The following FBN2 variants were observed in gnomAD, a reference collection of about 807,000 sequenced individuals.
The protein encoded by FBN2 is fibrillin 2.
Under a neutral mutation model 355.6 loss-of-function variants are expected in FBN2, and 105 were observed. The observed-to-expected ratio is 0.30, with a 90% confidence interval of 0.25 to 0.35. The LOEUF is 0.35. Ranked by LOEUF, FBN2 falls within the 10% of genes least tolerant of loss-of-function variation. The pLI is 1.00. For synonymous variants in FBN2, 1,350 were observed against 1,301.2 expected, an observed-to-expected ratio of 1.04 and a Z score of -0.81; for missense variants, 3,280 against 3,758.7, an observed-to-expected ratio of 0.87 and a Z score of 3.33.
intron 4 of FBN2, among the ~76,000 whole-genome samples, chr5:128,526,595 C>T (rs1756568637): frequency 1.3e-5 from 2 of 152,164 alleles, no homozygotes; most frequent in African/African-American, 2.4e-5. Context: ...ACGGATGAAC[C>T]TTGAGGGCAC....
chr5:128,267,284 G>A (rs571229719), intron 62 of FBN2, among the ~76,000 whole-genome samples: 10 of 152,264 alleles, frequency 6.6e-5, no homozygotes, highest in Non-Finnish European at 8.8e-5. Flanking sequence ...GTAAACATAC[G>A]TGTGCATGTG....
intron 9 of FBN2, 48 bp from the exon 10 acceptor site, chr5:128,393,416 C>T: frequency 6.6e-7 from 1 of 1,525,114 alleles, no homozygotes; most frequent in Non-Finnish European, 9.1e-7. Flanking sequence ...TGTCTTTCTG[C>T]ATAACAAAAG....
chr5:128,443,481 G>T (rs903580126), intron 7 of FBN2, among the ~76,000 whole-genome samples: 3 of 152,130 alleles, frequency 2.0e-5, no homozygotes, highest in Non-Finnish European at 4.4e-5. Flanking sequence ...AAAGACAGAG[G>T]CTCTGTCCTG....
intron 29 of FBN2, 23 bp downstream of exon 29, chr5:128,335,431 AC>A: frequency 6.2e-7 from 1 of 1,614,010 alleles, no homozygotes; most frequent in Non-Finnish European, 8.5e-7. Context: ...GATGTACAAA[AC>A]CTGTGTGTTT....
chr5:128,438,304 T>C (rs559225193), intron 7 of FBN2, among the ~76,000 whole-genome samples: 2 of 152,362 alleles, frequency 1.3e-5, no homozygotes, highest in South Asian at 4.1e-4. Flanking sequence ...CATTCACCCA[T>C]TTAAGTCTTG....
chr5:128,289,764 C>T (rs1232772829), intron 51 of FBN2, 118 bp downstream of exon 51: 2 of 670,368 alleles, frequency 3.0e-6, no homozygotes, highest in East Asian at 5.5e-5. Context: ...TTATATACAT[C>T]CATTAAATAC....
chr5:128,344,846 G>A (rs527260201), intron 24 of FBN2, among the ~76,000 whole-genome samples: 40 of 152,096 alleles, frequency 2.6e-4, no homozygotes, highest in Admixed American at 1.0e-3. Flanking sequence ...GATTACAGGC[G>A]CGAGCCACCA....
chr5:128,537,262 G>T (rs1756876706), intron 1 of FBN2, 88 bp downstream of exon 1: 1 of 1,574,154 alleles, frequency 6.4e-7, no homozygotes, highest in African/African-American at 1.3e-5. Context: ...AAAGGGTCTG[G>T]GACGGAGTGG....
At chr5:128,449,295 A>G (rs978247340) in intron 6 of FBN2, among the ~76,000 whole-genome samples, 1 of 148,002 alleles carries the variant, frequency 6.8e-6, no homozygotes, top group African/African-American at 2.5e-5. Flanking sequence ...CTATTATACT[A>G]TATAATAGTA....
chr5:128,287,702 G>A (rs1749195463), intron 53 of FBN2, among the ~76,000 whole-genome samples: 1 of 152,086 alleles, frequency 6.6e-6, no homozygotes, highest in Non-Finnish European at 1.5e-5. Flanking sequence ...CATTGATTTG[G>A]CTTCTATTTT....
chr5:128,405,186 C>A (rs977418266), intron 8 of FBN2, among the ~76,000 whole-genome samples: 19 of 152,036 alleles, frequency 1.2e-4, no homozygotes, highest in African/African-American at 4.1e-4. Context: ...CAGCTAGACT[C>A]CATCTTTAAA....
chr5:128,418,942 T>A (rs1319796615), intron 7 of FBN2, among the ~76,000 whole-genome samples: 2 of 152,212 alleles, frequency 1.3e-5, no homozygotes, highest in East Asian at 1.9e-4. Context: ...TGGAGAGTAC[T>A]GCCATCTTAA....
At chr5:128,447,274 G>T (rs1754091560) in intron 6 of FBN2, among the ~76,000 whole-genome samples, 1 of 152,178 alleles carries the variant, frequency 6.6e-6, no homozygotes, top group Non-Finnish European at 1.5e-5. Flanking sequence ...GGGTGGAACA[G>T]AGCCATATTT....
rs184184534 is a variant in FBN2 at position 128,337,353 on chromosome 5, G to A, written c.3598+644C>T. ...ATTTTAGGCTGTCTTATTTGCTTAC[G>A]GTTTTAAGAAAGAGTTCCTATGAAG... On this transcript the variant is annotated intron_variant, in intron 27 of 64. Transcript: ENST00000262464. Among the ~76,000 whole-genome samples the A allele has an allele frequency of 4.6e-5, 7 of 152,274 alleles. No individual in the cohort carries two copies. In the East Asian group the frequency reaches 5.8e-4, roughly 13 times the overall value.
chr5:128,370,373 T>C (rs1751900238), intron 15 of FBN2, among the ~76,000 whole-genome samples: 1 of 152,142 alleles, frequency 6.6e-6, no homozygotes, highest in Non-Finnish European at 1.5e-5. Flanking sequence ...TTATGCAAAA[T>C]GGCCATCCAA....
At chr5:128,347,975 G>T (rs531810172) in intron 23 of FBN2, among the ~76,000 whole-genome samples, 5 of 151,874 alleles carry the variant, frequency 3.3e-5, no homozygotes, top group East Asian at 1.9e-4. Flanking sequence ...GACGGGGAGG[G>T]GGGGGTTCCC....
chr5:128,437,640 A>G lies in FBN2; in HGVS notation c.952+8841T>C, dbSNP rs536999115. Among the ~76,000 whole-genome samples, 20 of 152,238 alleles carry G rather than the reference A, an allele frequency of 1.3e-4. No individual in the cohort carries two copies. The East Asian group carries it at 3.3e-3, about 25-fold the overall frequency. ...ATAGCAAAGCAAAAGTAGGTCATGG[A>G]TCAATAATAATAAGAATCATGAATC... On this transcript the variant is annotated intron_variant, in intron 7 of 64. Transcript: ENST00000262464.
intron 8 of FBN2, among the ~76,000 whole-genome samples, chr5:128,399,826 A>C (rs573968998): frequency 6.6e-6 from 1 of 152,222 alleles, no homozygotes; most frequent in African/African-American, 2.4e-5. Flanking sequence ...TTCTTAACAA[A>C]TAGGAGAAAG....
chr5:128,416,619 T>A (rs1007656262), intron 7 of FBN2, among the ~76,000 whole-genome samples: 6 of 152,214 alleles, frequency 3.9e-5, no homozygotes, highest in Admixed American at 6.5e-5. Flanking sequence ...GTTCCATTCT[T>A]CTGCATATAG....
Sources: gnomAD v4.1 joint callset for allele counts (sites outside exome capture counted in the v4.1 genomes callset) on GRCh38, gnomAD v4.1.1 for gene constraint, MANE v1.5 for transcripts, NCBI Gene and HGNC (gene_info 2026-07-23, HGNC 2026-07-21) for gene names.